Variants in ETV1 observed in about 807,000 individuals in gnomAD.
The protein encoded by ETV1 is ETS variant transcription factor 1.
ETV1 carries 27 observed loss-of-function variants against 62.3 expected under a neutral mutation model. That is an observed-to-expected ratio of 0.43 (90% CI 0.32 to 0.60). The LOEUF is 0.60. ETV1 is among the 20% of genes least tolerant of loss of function. The probability of loss-of-function intolerance (pLI) is 0.06; values close to 1 mark genes in which losing one functional copy is unlikely to be tolerated. For missense variants in ETV1, 605 were observed against 605.8 expected, an observed-to-expected ratio of 1.00 and a Z score of 0.01; for synonymous variants, 222 against 199.6, an observed-to-expected ratio of 1.11 and a Z score of -0.94.
At chr7:13,919,228 G>C (rs1374361500) in intron 9 of ETV1, among the ~76,000 whole-genome samples, 1 of 152,066 alleles carries the variant, frequency 6.6e-6, no homozygotes, top group African/African-American at 2.4e-5. Flanking sequence ...GGAGGCATAA[G>C]GGGTTACAAA....
intron 11 of ETV1, among the ~76,000 whole-genome samples, chr7:13,907,024 T>C (rs1162057621): frequency 6.6e-6 from 1 of 152,214 alleles, no homozygotes. Context: ...GGGCATTTGA[T>C]TCATACAAAT....
intron 4 of ETV1, 132 bp downstream of exon 4, chr7:13,987,954 T>G: frequency 1.6e-6 from 1 of 612,726 alleles, no homozygotes; most frequent in Non-Finnish European, 2.9e-6. Context: ...TCGTTCCAAG[T>G]TAAAGTCTTA....
intron 8 of ETV1, among the ~76,000 whole-genome samples, chr7:13,935,066 A>T (rs1349699141): frequency 1.3e-5 from 2 of 152,166 alleles, no homozygotes; most frequent in African/African-American, 4.8e-5. Context: ...GAATTTCTTA[A>T]TCTCAAGGAG....
intron 6 of ETV1, among the ~76,000 whole-genome samples, chr7:13,961,392 C>T (rs1416345339): frequency 6.6e-6 from 1 of 152,040 alleles, no homozygotes; most frequent in African/African-American, 2.4e-5. Context: ...CACTTCATTG[C>T]AAATAGTGTT....
chr7:13,903,981 G>A (rs1455301495), intron 12 of ETV1, among the ~76,000 whole-genome samples: 1 of 152,016 alleles, frequency 6.6e-6, no homozygotes, highest in African/African-American at 2.4e-5. Context: ...ATAAAGAAAT[G>A]GAACCCATCA....
At position 13,969,303 on chromosome 7, in the gene ETV1, A is replaced by G. The variant is rs143673866; in HGVS notation, c.235+8124T>C. Among the ~76,000 whole-genome samples the G allele has an allele frequency of 2.4e-3, 361 of 152,176 alleles. 4 individuals are homozygous for G. Among genetic ancestry groups the G allele is most frequent in the African/African-American group, 8.3e-3 (343 of 41,410 alleles). On this transcript the variant is annotated intron_variant, in intron 6 of 13. Transcript: ENST00000430479. ...ATAATTCTAGCAAAGATGATAAAAT[A>G]AGAATATATTTAAAATATCATTTTT...
chr7:13,977,295 T>C (rs1222420614), intron 6 of ETV1, 132 bp downstream of exon 6: 3 of 576,646 alleles, frequency 5.2e-6, no homozygotes, highest in South Asian at 2.5e-5. Context: ...AATCATCTTA[T>C]GGCTGTAAGT....
rs1781398281 is a variant in ETV1, at chr7:13,891,774, T to A, written c.*4092A>T. On this transcript the variant is annotated 3_prime_UTR_variant, in exon 14 of 14. Coordinates refer to ENST00000430479, the MANE Select transcript of ETV1 (RefSeq NM_004956.5). ...TGCCTTCTTTATATTTTTTCCACCA[T>A]CACTTTTACCCAATTTGTATTTTTT... The A allele has an allele frequency of 8.6e-6, 2 of 232,044 alleles. No homozygotes were observed. Among genetic ancestry groups the A allele is most frequent in the Admixed American group, 5.6e-5 (1 of 17,776 alleles). The allele number at this position is 232,044 out of a possible 1,614,324, so 14.4% of individuals were successfully genotyped here. A position where few individuals can be genotyped will look rare whatever the true frequency, so the allele number is the denominator to read the frequency against.
chr7:13,949,416 T>C (rs1326691717), intron 6 of ETV1, among the ~76,000 whole-genome samples: 1 of 152,196 alleles, frequency 6.6e-6, no homozygotes, highest in Non-Finnish European at 1.5e-5. Context: ...AGGGGAAGGC[T>C]TGAGTATAAA....
At chr7:13,976,956 T>C (rs1298911766) in intron 6 of ETV1, among the ~76,000 whole-genome samples, 1 of 152,210 alleles carries the variant, frequency 6.6e-6, no homozygotes, top group Admixed American at 6.5e-5. Flanking sequence ...AATTCATGAA[T>C]GTACAATACT....
chr7:13,987,233 G>A (rs1193798780), intron 4 of ETV1, among the ~76,000 whole-genome samples: 1 of 151,986 alleles, frequency 6.6e-6, no homozygotes, highest in African/African-American at 2.4e-5. Flanking sequence ...TACATTAATA[G>A]GTTTATAAAA....
intron 5 of ETV1, among the ~76,000 whole-genome samples, chr7:13,981,574 G>C (rs1327753526): frequency 6.6e-6 from 1 of 151,554 alleles, no homozygotes; most frequent in African/African-American, 2.4e-5. Context: ...CATGCATCCT[G>C]CTTTACAGAG....
At chr7:13,951,255 T>G (rs567578026) in intron 6 of ETV1, among the ~76,000 whole-genome samples, 1 of 152,194 alleles carries the variant, frequency 6.6e-6, no homozygotes, top group Non-Finnish European at 1.5e-5. Context: ...ATAAAACTTA[T>G]GTCACACTCA....
chr7:13,977,432 T>A lies in ETV1; in HGVS notation c.230A>T (p.Glu77Val). ...ATGAGTCATACTATACTTACAACTTTCAGCCTGATAGTCTGGTACAAACTG... is the reference window on the plus strand; with the variant it reads ...ATGAGTCATACTATACTTACAACTTACAGCCTGATAGTCTGGTACAAACTG... ...DEQFVPDYQA[E>V]SLAFHGLPLK... The change falls in exon 6 of 14, where the codon GAA (glutamate) becomes GTA (valine). Residue 77 changes from glutamate to valine, a missense_variant. Transcript: ENST00000430479. 6.5e-7 allele frequency: 1 copy of A among 1,539,654 alleles called. No individual in the cohort carries two copies. The highest frequency in any genetic ancestry group is 8.8e-7 in the Non-Finnish European group (1 of 1,137,088).
chr7:13,928,844 G>A (rs1400071196), intron 9 of ETV1, among the ~76,000 whole-genome samples: 8 of 152,102 alleles, frequency 5.3e-5, no homozygotes, highest in Non-Finnish European at 8.8e-5. Context: ...TGTAATCCCA[G>A]TTACTCGGGA....
At chr7:13,971,029 T>C (rs1280947263) in intron 6 of ETV1, among the ~76,000 whole-genome samples, 2 of 152,244 alleles carry the variant, frequency 1.3e-5, no homozygotes, top group Admixed American at 1.3e-4. Context: ...TGGAGTGCGA[T>C]GGCACGATCT....
chr7:13,965,384 T>A (rs1274879677), intron 6 of ETV1, among the ~76,000 whole-genome samples: 3 of 152,198 alleles, frequency 2.0e-5, no homozygotes, highest in Non-Finnish European at 4.4e-5. Flanking sequence ...TCTCTCTTCA[T>A]CTATCATACC....
chr7:13,931,776 A>T, intron 8 of ETV1, 27 bp from the exon 9 acceptor site: 2 of 1,608,958 alleles, frequency 1.2e-6, no homozygotes, highest in Admixed American at 1.7e-5. Flanking sequence ...TGTGTTTCAG[A>T]TGAAACGGTA....
In ETV1 at chr7:13,892,081, T is replaced by C. The variant is rs1313159740; in HGVS notation, c.*3785A>G. 4.3e-6 allele frequency: 1 copy of C among 232,274 alleles called. No homozygotes were observed. Among genetic ancestry groups the C allele is most frequent in the Non-Finnish European group, 8.5e-6 (1 of 117,556 alleles). The allele number at this position is 232,274 out of a possible 1,614,324, so 14.4% of individuals were successfully genotyped here. Reference sequence around the variant, plus strand: ...AAAGATAAGTTGACTCATTTTGCAATTGTTCTTTTGAGTAATAGACATATT... The same window carrying C: ...AAAGATAAGTTGACTCATTTTGCAACTGTTCTTTTGAGTAATAGACATATT... On this transcript the variant is annotated 3_prime_UTR_variant, in exon 14 of 14. Coordinates refer to ENST00000430479, the MANE Select transcript of ETV1 (RefSeq NM_004956.5).
Sources: allele counts gnomAD v4.1 joint callset (sites outside exome capture counted in the v4.1 genomes callset), GRCh38; gene constraint gnomAD v4.1.1; transcripts MANE v1.5; gene names NCBI Gene and HGNC (gene_info 2026-07-23, HGNC 2026-07-21).